The following NPAS3 variants were observed in gnomAD, a reference collection of about 807,000 sequenced individuals.
NPAS3 encodes neuronal PAS domain protein 3, also known as neuronal PAS domain-containing protein 3.
In NPAS3, 14 loss-of-function variants were observed where a neutral mutation model predicts 73.1. The ratio of observed to expected loss-of-function variants is 0.19; its 90% confidence interval spans 0.13 to 0.30. The LOEUF is 0.30. NPAS3 is among the 10% of genes least tolerant of loss of function. NPAS3 has a pLI of 1.00. For synonymous variants in NPAS3, 620 were observed against 541.5 expected (o/e 1.14, Z -2.01); for missense variants, 1,096 against 1,250.0 (o/e 0.88, Z 1.86).
At chr14:33,035,349 T>C (rs952746377) in intron 1 of NPAS3, among the ~76,000 whole-genome samples, 2 of 152,146 alleles carry the variant, frequency 1.3e-5, no homozygotes, top group Non-Finnish European at 2.9e-5. Context: ...CTTTGGAGGA[T>C]AGTAGCCTCA....
chr14:33,520,428 C>G (rs1485753782), intron 4 of NPAS3, among the ~76,000 whole-genome samples: 1 of 151,480 alleles, frequency 6.6e-6, no homozygotes, highest in Admixed American at 6.6e-5. Flanking sequence ...TTTTTTAAAT[C>G]TGAGATGAAA....
At chr14:32,936,501 T>A (rs911296578), upstream of NPAS3, among the ~76,000 whole-genome samples, 2 of 152,168 alleles carry the variant, frequency 1.3e-5, no homozygotes, top group African/African-American at 4.8e-5. Context: ...GGTTCAGGTA[T>A]GTTTTTTTGG....
chr14:33,023,636 C>A (rs4460978), intron 1 of NPAS3, among the ~76,000 whole-genome samples: 16,351 of 152,122 alleles, frequency 0.11, 921 homozygotes, highest in African/African-American at 0.13. Context: ...AGAATACATC[C>A]TTTTCATATT....
intron 2 of NPAS3, among the ~76,000 whole-genome samples, chr14:33,128,642 G>C (rs1012421409): frequency 4.6e-5 from 7 of 152,156 alleles, no homozygotes; most frequent in Non-Finnish European, 7.4e-5. Context: ...GTGAGTGGTA[G>C]ATGAGTTTTT....
At chr14:32,972,840 C>T (rs1256264746) in intron 1 of NPAS3, among the ~76,000 whole-genome samples, 1 of 152,184 alleles carries the variant, frequency 6.6e-6, no homozygotes, top group Non-Finnish European at 1.5e-5. Context: ...ATAGTTTACC[C>T]TCAGATTCCA....
intron 3 of NPAS3, among the ~76,000 whole-genome samples, chr14:33,312,257 A>G (rs138306299): frequency 8.5e-5 from 13 of 152,214 alleles, no homozygotes; most frequent in Admixed American, 2.0e-4. Context: ...TTTTGTATGT[A>G]AGCATTGGTC....
intron 5 of NPAS3, among the ~76,000 whole-genome samples, chr14:33,599,725 G>A (rs1406745680): frequency 6.6e-6 from 1 of 152,172 alleles, no homozygotes; most frequent in East Asian, 1.9e-4. Flanking sequence ...AAGCTTCATG[G>A]AGCTCATTCA....
intron 3 of NPAS3, among the ~76,000 whole-genome samples, chr14:33,357,664 TCACAAGTATTTA>T (rs1159633836): frequency 1.3e-5 from 2 of 152,206 alleles, no homozygotes; most frequent in African/African-American, 4.8e-5. Context: ...GTTCGCTCAT[TCACAAGTATTTA>T]TTGTGTGCCT....
At chr14:33,379,977 C>CGTGTGTGT (rs34208750) in intron 4 of NPAS3, among the ~76,000 whole-genome samples, 8,701 of 144,236 alleles carry the variant, frequency 0.06, 290 homozygotes, top group Middle Eastern at 0.11. Context: ...AGTTATCCCT[C>CGTGTGTGT]GTGTGTGTGT....
chr14:33,746,171 T>TTTATTTATTTATTTATTTA (rs747188281), intron 7 of NPAS3, among the ~76,000 whole-genome samples: 3 of 144,458 alleles, frequency 2.1e-5, no homozygotes, highest in African/African-American at 7.6e-5. Flanking sequence ...TTTTATTTTA[T>TTTATTTATTTATTTATTTA]TTTATTTATT....
chr14:33,193,523 A>G (rs1435070711), intron 2 of NPAS3, among the ~76,000 whole-genome samples: 1 of 152,216 alleles, frequency 6.6e-6, no homozygotes, highest in Non-Finnish European at 1.5e-5. Context: ...TCTGCATCCT[A>G]GAGGATGACA....
At position 33,400,627 on chromosome 14, in the gene NPAS3, A is replaced by G. The variant is rs184446274; in HGVS notation, c.468+33359A>G. Among the ~76,000 whole-genome samples the G allele has an allele frequency of 1.5e-3, 229 of 152,256 alleles. 5 individuals carry two copies. Among genetic ancestry groups the G allele is most frequent in the Admixed American group, 0.015 (227 of 15,278 alleles). On this transcript the variant is annotated intron_variant, in intron 4 of 11. Transcript: ENST00000356141. ...ATATAGACCAGAATTTAGATAAACA[A>G]CATAACCAGGGACATTTAGTTCAAT...
At chr14:33,439,222 A>G (rs1369876407) in intron 4 of NPAS3, among the ~76,000 whole-genome samples, 6 of 152,344 alleles carry the variant, frequency 3.9e-5, no homozygotes, top group African/African-American at 1.4e-4. Context: ...TTAGAAAGCT[A>G]TGATAGAGAG....
At chr14:33,544,374 A>G (rs1298782725) in intron 4 of NPAS3, among the ~76,000 whole-genome samples, 2 of 152,084 alleles carry the variant, frequency 1.3e-5, no homozygotes, top group Non-Finnish European at 2.9e-5. Context: ...CCCACCACCA[A>G]TTTATATATT....
intron 3 of NPAS3, among the ~76,000 whole-genome samples, chr14:33,333,269 A>C (rs1326009991): frequency 6.6e-6 from 1 of 152,156 alleles, no homozygotes; most frequent in Non-Finnish European, 1.5e-5. Flanking sequence ...TTATGGATTT[A>C]TGTGTCTACT....
chr14:33,375,332 T>G (rs574928069), intron 4 of NPAS3, among the ~76,000 whole-genome samples: 1 of 152,328 alleles, frequency 6.6e-6, no homozygotes, highest in African/African-American at 2.4e-5. Context: ...GGATTTTTCA[T>G]TACAAACTGG....
At chr14:33,707,676 A>G (rs2060695253) in intron 6 of NPAS3, among the ~76,000 whole-genome samples, 1 of 152,214 alleles carries the variant, frequency 6.6e-6, no homozygotes, top group African/African-American at 2.4e-5. Context: ...AAGGGAACAT[A>G]AACTTCAGCA....
chr14:33,505,034 T>A (rs1340631883), intron 4 of NPAS3, among the ~76,000 whole-genome samples: 1 of 152,016 alleles, frequency 6.6e-6, no homozygotes, highest in Non-Finnish European at 1.5e-5. Flanking sequence ...AGACAAATAT[T>A]TGCTTCAGTA....
At chr14:33,442,858 A>G (rs1246004321) in intron 4 of NPAS3, among the ~76,000 whole-genome samples, 1 of 152,214 alleles carries the variant, frequency 6.6e-6, no homozygotes, top group Non-Finnish European at 1.5e-5. Flanking sequence ...GTCAGTTAAG[A>G]CTTGACATTT....
Sources: allele counts gnomAD v4.1 joint callset (sites outside exome capture counted in the v4.1 genomes callset), GRCh38; gene constraint gnomAD v4.1.1; transcripts MANE v1.5; gene names NCBI Gene and HGNC (gene_info 2026-07-23, HGNC 2026-07-21).